The following PRIM2 variants were observed in gnomAD, a reference collection of about 807,000 sequenced individuals.
PRIM2 encodes the protein DNA primase large subunit.
PRIM2 carries 39 observed loss-of-function variants against 67.3 expected under a neutral mutation model. That is an observed-to-expected ratio of 0.58 (90% CI 0.45 to 0.76). PRIM2 has a LOEUF of 0.76. Ranked by LOEUF, PRIM2 falls within the 30% of genes least tolerant of loss-of-function variation. PRIM2 has a pLI of 0.00. For synonymous variants in PRIM2, 143 were observed against 198.7 expected (o/e 0.72, Z 2.36); for missense variants, 398 against 598.7 (o/e 0.66, Z 3.50).
At chr6:57,557,771 TAA>T (rs1177298914) in intron 10 of PRIM2, among the ~76,000 whole-genome samples, 1 of 148,486 alleles carries the variant, frequency 6.7e-6, no homozygotes, top group African/African-American at 2.4e-5. Flanking sequence ...ACTTAAAAGT[TAA>T]AAAAAAAAAA....
intron 10 of PRIM2, among the ~76,000 whole-genome samples, chr6:57,561,320 C>T (rs1244893354): frequency 6.6e-6 from 1 of 152,182 alleles, no homozygotes; most frequent in Non-Finnish European, 1.5e-5. Flanking sequence ...GAACCTCTGC[C>T]TCCTGGGTGC....
At chr6:57,330,820 G>A (rs1201342241) in intron 5 of PRIM2, among the ~76,000 whole-genome samples, 1 of 152,044 alleles carries the variant, frequency 6.6e-6, no homozygotes, top group Non-Finnish European at 1.5e-5. Context: ...ATTAAGAAAG[G>A]ATGTTGTATT....
At chr6:57,517,797 C>T (rs1237206576) in intron 8 of PRIM2, among the ~76,000 whole-genome samples, 4 of 152,036 alleles carry the variant, frequency 2.6e-5, no homozygotes, top group Admixed American at 2.0e-4. Context: ...GGGATTTTGC[C>T]TCTGTACCTG....
chr6:57,371,127 GT>G (rs61081693), intron 5 of PRIM2, among the ~76,000 whole-genome samples: 209 of 126,170 alleles, frequency 1.7e-3, no homozygotes, highest in African/African-American at 5.3e-3. Flanking sequence ...CTTGAGGTTT[GT>G]TTTTTTTTTT....
intron 5 of PRIM2, among the ~76,000 whole-genome samples, chr6:57,354,265 C>T (rs9357950): frequency 6.6e-5 from 10 of 151,974 alleles, no homozygotes; most frequent in African/African-American, 1.5e-4. Context: ...TTAAAAAATG[C>T]GATTTGAATC....
At chr6:57,564,752 A>G (rs1193193352) in intron 10 of PRIM2, among the ~76,000 whole-genome samples, 7 of 152,148 alleles carry the variant, frequency 4.6e-5, no homozygotes, top group Non-Finnish European at 1.0e-4. Flanking sequence ...AAATGTTTTG[A>G]GGCTAAATTT....
intron 8 of PRIM2, among the ~76,000 whole-genome samples, chr6:57,517,265 T>C (rs1774505995): frequency 6.6e-6 from 1 of 152,224 alleles, no homozygotes; most frequent in East Asian, 1.9e-4. Flanking sequence ...TTACACTGTG[T>C]TAGTCATAAA....
At chr6:57,270,978 C>G in the PRIM2 span, among the ~76,000 whole-genome samples, 1 of 151,824 alleles carries the variant, frequency 6.6e-6, no homozygotes, top group Non-Finnish European at 1.5e-5. Context: ...GGGATGAAGC[C>G]CACTTGATCA....
chr6:57,517,204 C>T (rs1367474926), intron 8 of PRIM2, among the ~76,000 whole-genome samples: 3 of 152,108 alleles, frequency 2.0e-5, no homozygotes, highest in Non-Finnish European at 4.4e-5. Context: ...CATTGGGTTT[C>T]TTTAAAACAT....
At chr6:57,515,242 A>G (rs1395555055) in intron 8 of PRIM2, among the ~76,000 whole-genome samples, 1 of 152,234 alleles carries the variant, frequency 6.6e-6, no homozygotes, top group Non-Finnish European at 1.5e-5. Context: ...ATTTTATCAG[A>G]TATGTATAGC....
intron 12 of PRIM2, among the ~76,000 whole-genome samples, chr6:57,613,793 C>T (rs1205556253): frequency 6.6e-6 from 1 of 152,136 alleles, no homozygotes; most frequent in Non-Finnish European, 1.5e-5. Context: ...TTTAGGGAAT[C>T]TGAACATTTT....
chr6:57,364,274 T>G (rs1010175598), intron 5 of PRIM2, among the ~76,000 whole-genome samples: 5 of 152,180 alleles, frequency 3.3e-5, no homozygotes, highest in African/African-American at 1.2e-4. Context: ...TTTCCTTGCG[T>G]GGTTGGTTAT....
At chr6:57,630,439 T>G (rs1777021650) in intron 12 of PRIM2, among the ~76,000 whole-genome samples, 2 of 152,100 alleles carry the variant, frequency 1.3e-5, no homozygotes, top group Non-Finnish European at 2.9e-5. Context: ...AATACATCTG[T>G]TTTTCTCACA....
intron 8 of PRIM2, among the ~76,000 whole-genome samples, chr6:57,519,416 T>C (rs1774563014): frequency 6.6e-6 from 1 of 152,204 alleles, no homozygotes; most frequent in Non-Finnish European, 1.5e-5. Flanking sequence ...GGGCCGTTCA[T>C]AGGCCTACCC....
At chr6:57,378,510 G>C (rs1250141080) in intron 5 of PRIM2, among the ~76,000 whole-genome samples, 1 of 152,084 alleles carries the variant, frequency 6.6e-6, no homozygotes, top group Non-Finnish European at 1.5e-5. Context: ...GTGAAGTATA[G>C]TTTTTTTCTA....
intron 10 of PRIM2, among the ~76,000 whole-genome samples, chr6:57,595,891 C>T (rs1396687318): frequency 7.6e-4 from 115 of 152,024 alleles, no homozygotes; most frequent in African/African-American, 2.8e-3. Context: ...ATTTTTCAGC[C>T]CCCTCCTTTT....
chr6:57,354,040 C>T (rs564929924), intron 5 of PRIM2, among the ~76,000 whole-genome samples: 49 of 152,198 alleles, frequency 3.2e-4, no homozygotes, highest in African/African-American at 1.1e-3. Flanking sequence ...TTTTTTTGTA[C>T]TCTTTCTCTT....
chr6:57,558,929 A>G (rs1581989742), intron 10 of PRIM2, among the ~76,000 whole-genome samples: 1 of 151,914 alleles, frequency 6.6e-6, no homozygotes, highest in African/African-American at 2.4e-5. Context: ...GGAGCTCAAG[A>G]CCAGCCTAGG....
At chr6:57,578,108 T>C (rs1427083567) in intron 10 of PRIM2, among the ~76,000 whole-genome samples, 1 of 152,156 alleles carries the variant, frequency 6.6e-6, no homozygotes, top group Non-Finnish European at 1.5e-5. Flanking sequence ...CGTGATTAGA[T>C]TGAGGTCATG....
Sources: allele counts gnomAD v4.1 joint callset (sites outside exome capture counted in the v4.1 genomes callset), GRCh38; gene constraint gnomAD v4.1.1; transcripts MANE v1.5; gene names NCBI Gene and HGNC (gene_info 2026-07-23, HGNC 2026-07-21).